Variants in KCNJ6 observed in about 807,000 individuals in gnomAD.
The protein encoded by KCNJ6 is G protein-activated inward rectifier potassium channel 2.
A neutral mutation model predicts 34.2 loss-of-function variants in KCNJ6; 9 were observed. The ratio of observed to expected loss-of-function variants is 0.26; its 90% CI spans 0.16 to 0.46. The LOEUF (loss-of-function observed/expected upper bound fraction) is 0.46, where lower values mean the gene tolerates loss of function less well. Among genes scored for constraint, KCNJ6 ranks in the 20% least tolerant of loss-of-function variants. The pLI is 1.00. For synonymous variants in KCNJ6, 196 were observed against 207.1 expected, an observed-to-expected ratio of 0.95 and a Z score of 0.46; for missense variants, 236 against 531.3, an observed-to-expected ratio of 0.44 and a Z score of 5.46.
intron 3 of KCNJ6, among the ~76,000 whole-genome samples, chr21:37,710,792 C>A (rs1383359269): frequency 1.3e-5 from 2 of 152,196 alleles, no homozygotes; most frequent in Non-Finnish European, 1.5e-5. Context: ...AGCTATGAAA[C>A]CTTCTGTAAA....
intron 3 of KCNJ6, among the ~76,000 whole-genome samples, chr21:37,671,421 G>T (rs1166403308): frequency 6.6e-6 from 1 of 152,210 alleles, no homozygotes; most frequent in Non-Finnish European, 1.5e-5. Flanking sequence ...CCCACACTTT[G>T]CCCTGTACCC....
chr21:37,889,264 G>T (rs2055750296), intron 1 of KCNJ6, among the ~76,000 whole-genome samples: 1 of 152,194 alleles, frequency 6.6e-6, no homozygotes, highest in Non-Finnish European at 1.5e-5. Context: ...GTTTGTGTTT[G>T]TGAGATTCCT....
At chr21:37,682,002 CT>C (rs1253092272) in intron 3 of KCNJ6, among the ~76,000 whole-genome samples, 1 of 152,192 alleles carries the variant, frequency 6.6e-6, no homozygotes, top group African/African-American at 2.4e-5. Context: ...ACACTGGGGA[CT>C]GGCCTTGGCC....
At chr21:37,815,244 C>T (rs1317696297) in intron 2 of KCNJ6, among the ~76,000 whole-genome samples, 2 of 151,996 alleles carry the variant, frequency 1.3e-5, no homozygotes, top group Admixed American at 1.3e-4. Context: ...TTGAATTGTA[C>T]CTTTTAAAAC....
rs78904437 is a variant in KCNJ6 at position 37,905,383 on chromosome 21, G to A, written c.-28+10501C>T. 6.6e-3 allele frequency among the ~76,000 whole-genome samples: 1,012 copies of A among 152,248 alleles called. 16 individuals are homozygous for A. Among genetic ancestry groups the A allele is most frequent in the African/African-American group, 0.022 (932 of 41,522 alleles). ...ATGAGCTCATGTACCATGCCGATGC[G>A]TGGCGCTCTGATTTCCATGGTGTGG... On this transcript the variant is annotated intron_variant, in intron 1 of 3. Coordinates refer to ENST00000609713, the MANE Select transcript of KCNJ6 (RefSeq NM_002240.5).
chr21:37,864,765 C>T (rs1336329190), intron 1 of KCNJ6, among the ~76,000 whole-genome samples: 5 of 152,268 alleles, frequency 3.3e-5, no homozygotes, highest in Non-Finnish European at 7.4e-5. Flanking sequence ...GAGTAGAGGA[C>T]ACTTTGTTTT....
intron 2 of KCNJ6, among the ~76,000 whole-genome samples, chr21:37,776,922 G>A (rs1244847752): frequency 6.6e-6 from 1 of 152,200 alleles, no homozygotes; most frequent in African/African-American, 2.4e-5. Context: ...CAGAAGGAAT[G>A]GTACCAGCTC....
intron 2 of KCNJ6, among the ~76,000 whole-genome samples, chr21:37,792,183 C>A (rs543057610): frequency 2.6e-5 from 4 of 152,204 alleles, no homozygotes; most frequent in African/African-American, 9.6e-5. Context: ...CCATGGGCTG[C>A]AAATGCTTGT....
intron 3 of KCNJ6, among the ~76,000 whole-genome samples, chr21:37,670,067 A>G (rs1402569590): frequency 6.6e-6 from 1 of 152,108 alleles, no homozygotes; most frequent in African/African-American, 2.4e-5. Context: ...AGTTTCAACT[A>G]ATTCTTTTGC....
At position 37,777,292 on chromosome 21, in the gene KCNJ6, C is replaced by T. The variant is rs987518069; in HGVS notation, c.26-62161G>A. Reference sequence around the variant, plus strand: ...CTATCAATTTTGTTAGCATGCCTCCCGCACCCTTTATCAAACAGGGGCATT... The same window carrying T: ...CTATCAATTTTGTTAGCATGCCTCCTGCACCCTTTATCAAACAGGGGCATT... On this transcript the variant is annotated intron_variant, in intron 2 of 3. Transcript: ENST00000609713. 4.6e-5 allele frequency among the ~76,000 whole-genome samples: 7 copies of T among 152,002 alleles called. 1 individual carries two copies. Among genetic ancestry groups the T allele is most frequent in the African/African-American group, 9.7e-5 (4 of 41,390 alleles).
At chr21:37,649,920 ATT>A (rs10597774) in intron 3 of KCNJ6, among the ~76,000 whole-genome samples, 60,332 of 143,900 alleles carry the variant, frequency 0.42, 13,430 homozygotes, top group East Asian at 0.51. Flanking sequence ...CACCCAGCTA[ATT>A]TTTTTTTTTT....
chr21:37,853,892 A>G (rs892678759), intron 1 of KCNJ6, among the ~76,000 whole-genome samples: 1 of 135,946 alleles, frequency 7.4e-6, no homozygotes, highest in Non-Finnish European at 1.6e-5. Context: ...ACATAAACAC[A>G]GAATGTAATT....
At chr21:37,761,855 A>C (rs540336188) in intron 2 of KCNJ6, among the ~76,000 whole-genome samples, 1 of 152,086 alleles carries the variant, frequency 6.6e-6, no homozygotes, top group Admixed American at 6.6e-5. Flanking sequence ...TGTGCGGTGC[A>C]TGTTCATGCA....
intron 3 of KCNJ6, among the ~76,000 whole-genome samples, chr21:37,682,086 T>C (rs754538785): frequency 1.3e-5 from 2 of 152,168 alleles, no homozygotes; most frequent in African/African-American, 4.8e-5. Flanking sequence ...AGGTAGACAA[T>C]AGAAGGGGAG....
At chr21:37,883,239 A>T (rs2035361786) in intron 1 of KCNJ6, among the ~76,000 whole-genome samples, 1 of 152,324 alleles carries the variant, frequency 6.6e-6, no homozygotes, top group South Asian at 2.1e-4. Context: ...TTTTCTAGAA[A>T]GGGCCAGCTA....
intron 1 of KCNJ6, among the ~76,000 whole-genome samples, chr21:37,897,966 A>G (rs1487138373): frequency 1.3e-5 from 2 of 152,202 alleles, no homozygotes; most frequent in African/African-American, 4.8e-5. Context: ...CATGAGAAAG[A>G]AGAAGGGAAG....
At chr21:37,896,554 G>A (rs1307760481) in intron 1 of KCNJ6, among the ~76,000 whole-genome samples, 1 of 152,184 alleles carries the variant, frequency 6.6e-6, no homozygotes, top group African/African-American at 2.4e-5. Context: ...TTTCTTGTGG[G>A]CCGTGAAGGT....
At chr21:37,726,464 T>A (rs2054855088) in intron 2 of KCNJ6, among the ~76,000 whole-genome samples, 1 of 152,226 alleles carries the variant, frequency 6.6e-6, no homozygotes. Flanking sequence ...CACTTATTTA[T>A]TGAATGAGTG....
At chr21:37,811,300 T>C (rs1392146204) in intron 2 of KCNJ6, among the ~76,000 whole-genome samples, 1 of 152,160 alleles carries the variant, frequency 6.6e-6, no homozygotes, top group Non-Finnish European at 1.5e-5. Flanking sequence ...TAAATATAAG[T>C]AGTGTTTTCC....
Sources: allele counts gnomAD v4.1 joint callset (sites outside exome capture counted in the v4.1 genomes callset), GRCh38; gene constraint gnomAD v4.1.1; transcripts MANE v1.5; gene names NCBI Gene and HGNC (gene_info 2026-07-23, HGNC 2026-07-21).